The following ARID1B variants were observed in gnomAD, a reference collection of about 807,000 sequenced individuals.
ARID1B encodes AT-rich interactive domain-containing protein 1B.
Under a neutral mutation model 212.3 loss-of-function variants are expected in ARID1B, and 30 were observed. The ratio of observed to expected loss-of-function variants is 0.14; its 90% CI spans 0.11 to 0.19. The LOEUF (loss-of-function observed/expected upper bound fraction) is 0.19, where lower values mean the gene tolerates loss of function less well. ARID1B is among the 10% of genes least tolerant of loss of function. ARID1B has a pLI of 1.00. For synonymous variants in ARID1B, 1,402 were observed against 1,301.7 expected (o/e 1.08, Z -1.66); for missense variants, 2,891 against 3,204.0 (o/e 0.90, Z 2.36).
At chr6:156,944,130 A>G (rs1792878934) in intron 4 of ARID1B, among the ~76,000 whole-genome samples, 1 of 152,192 alleles carries the variant, frequency 6.6e-6, no homozygotes, top group Non-Finnish European at 1.5e-5. Flanking sequence ...ATTAAAAGCC[A>G]TCTTTGTTAG....
chr6:157,194,144 T>A (rs1383023639), intron 15 of ARID1B: 1 of 152,276 alleles, frequency 6.6e-6, no homozygotes, highest in Non-Finnish European at 1.5e-5. Flanking sequence ...AATGTTCATT[T>A]ATGTGTTTGC....
intron 2 of ARID1B, among the ~76,000 whole-genome samples, chr6:156,872,555 A>G (rs1786222729): frequency 6.6e-6 from 1 of 152,118 alleles, no homozygotes; most frequent in Non-Finnish European, 1.5e-5. Flanking sequence ...TCCTGACCTC[A>G]GGTGATCCGC....
intron 4 of ARID1B, among the ~76,000 whole-genome samples, chr6:157,080,556 T>TG (rs1784575490): frequency 6.6e-6 from 1 of 152,252 alleles, no homozygotes. Flanking sequence ...CTTTGTGGGA[T>TG]GTCCCATCTT....
rs371389438 is a variant in ARID1B at position 157,051,473 on chromosome 6, C to CA, written c.2248-33179dup. 6.1e-3 allele frequency among the ~76,000 whole-genome samples: 900 copies of CA among 146,480 alleles called. 5 individuals carry two copies. Among genetic ancestry groups the CA allele is most frequent in the Middle Eastern group, 0.017 (5 of 288 alleles). ...ATTTACAATGGATTCTCTTATTAAG[C>CA]AAAAAAAAAATGTTAAAGGAATCGT... On this transcript the variant is annotated intron_variant, in intron 4 of 19. Coordinates refer to ENST00000636930, the MANE Select transcript of ARID1B (RefSeq NM_001374828.1).
chr6:156,844,724 A>G (rs1784113676), intron 2 of ARID1B, among the ~76,000 whole-genome samples: 1 of 152,212 alleles, frequency 6.6e-6, no homozygotes, highest in African/African-American at 2.4e-5. Flanking sequence ...TTTTCCCTCT[A>G]TCATCTTTCC....
chr6:156,865,389 G>C (rs556661757), intron 2 of ARID1B, among the ~76,000 whole-genome samples: 1 of 152,158 alleles, frequency 6.6e-6, no homozygotes, highest in Non-Finnish European at 1.5e-5. Flanking sequence ...CAATTCTGAA[G>C]CACTTGCTCA....
intron 2 of ARID1B, among the ~76,000 whole-genome samples, chr6:156,843,400 A>G (rs551956260): frequency 2.2e-4 from 34 of 152,330 alleles, no homozygotes; most frequent in African/African-American, 5.8e-4. Context: ...TGTATTTTCA[A>G]TGTCTACAGT....
chr6:156,997,488 C>T (rs183959437), intron 4 of ARID1B, among the ~76,000 whole-genome samples: 2 of 152,166 alleles, frequency 1.3e-5, no homozygotes, highest in East Asian at 1.9e-4. Context: ...TTATAGCTTT[C>T]GGGATGTTTT....
chr6:156,998,381 C>T (rs1397266050), intron 4 of ARID1B, among the ~76,000 whole-genome samples: 4 of 151,976 alleles, frequency 2.6e-5, no homozygotes, highest in Admixed American at 1.3e-4. Context: ...CCACCATGCC[C>T]GGCTAATTTT....
chr6:157,042,891 C>A (rs547713411), intron 4 of ARID1B, among the ~76,000 whole-genome samples: 1 of 152,218 alleles, frequency 6.6e-6, no homozygotes, highest in East Asian at 1.9e-4. Flanking sequence ...AAACTCCTGA[C>A]CTCAAGTGAT....
chr6:156,810,901 C>A (rs1389720594), intron 1 of ARID1B, among the ~76,000 whole-genome samples: 1 of 152,174 alleles, frequency 6.6e-6, no homozygotes, highest in African/African-American at 2.4e-5. Flanking sequence ...TAAAAGAACA[C>A]ACATCGATTA....
At chr6:157,195,314 C>G (rs1011848931) in intron 15 of ARID1B, 1 of 152,214 alleles carries the variant, frequency 6.6e-6, no homozygotes, top group Admixed American at 6.5e-5. Flanking sequence ...GCAGAATTCA[C>G]TTGCTTGTGT....
At chr6:157,039,763 T>TCCTACCTA (rs558978406) in intron 4 of ARID1B, among the ~76,000 whole-genome samples, 15 of 109,282 alleles carry the variant, frequency 1.4e-4, no homozygotes, top group South Asian at 3.7e-4. Flanking sequence ...CTTCCTACCT[T>TCCTACCTA]CCTACCTACC....
chr6:157,183,059 G>A (rs540651735), intron 12 of ARID1B, among the ~76,000 whole-genome samples: 2 of 152,234 alleles, frequency 1.3e-5, no homozygotes, highest in East Asian at 1.9e-4. Context: ...TTATAATGAG[G>A]GTTGCTGGAA....
chr6:157,170,736 A>T (rs1316793223), intron 9 of ARID1B, among the ~76,000 whole-genome samples: 1 of 152,130 alleles, frequency 6.6e-6, no homozygotes, highest in Admixed American at 6.5e-5. Flanking sequence ...CAGGGCCTCC[A>T]GGGTACTCGC....
intron 8 of ARID1B, among the ~76,000 whole-genome samples, chr6:157,152,630 A>C (rs1290142868): frequency 1.3e-5 from 2 of 152,198 alleles, no homozygotes; most frequent in Non-Finnish European, 2.9e-5. Flanking sequence ...TAAAAGCAGA[A>C]GCTTGAATCT....
At chr6:156,812,475 A>G (rs1436229973) in intron 1 of ARID1B, among the ~76,000 whole-genome samples, 2 of 152,078 alleles carry the variant, frequency 1.3e-5, no homozygotes, top group African/African-American at 4.8e-5. Flanking sequence ...TAGTATTTAT[A>G]AGCTTATTTT....
chr6:157,170,819 T>G (rs1284354906), intron 9 of ARID1B, among the ~76,000 whole-genome samples: 2 of 152,218 alleles, frequency 1.3e-5, no homozygotes, highest in East Asian at 3.9e-4. Context: ...ATGAGAGCAG[T>G]GCGTCTCCCG....
intron 1 of ARID1B, among the ~76,000 whole-genome samples, chr6:156,817,326 A>C (rs1170444597): frequency 6.6e-6 from 1 of 152,110 alleles, no homozygotes; most frequent in Non-Finnish European, 1.5e-5. Context: ...CCTGGGCAAC[A>C]GAGTGAGAGA....
Sources: allele counts gnomAD v4.1 joint callset (sites outside exome capture counted in the v4.1 genomes callset), GRCh38; gene constraint gnomAD v4.1.1; transcripts MANE v1.5; gene names NCBI Gene and HGNC (gene_info 2026-07-23, HGNC 2026-07-21).